CADM1: variants seen among roughly 807,000 people sequenced by gnomAD.
CADM1 encodes TSLC-1.
Under a neutral mutation model 53.1 loss-of-function variants are expected in CADM1, and 15 were observed. That is an observed-to-expected ratio of 0.28 (90% CI 0.19 to 0.44). The LOEUF is 0.44. CADM1 is among the 20% of genes least tolerant of loss of function. CADM1 has a pLI of 1.00. For synonymous variants in CADM1, 281 were observed against 243.0 expected (o/e 1.16, Z -1.45); for missense variants, 434 against 611.3 (o/e 0.71, Z 3.06).
intron 1 of CADM1, among the ~76,000 whole-genome samples, chr11:115,263,861 G>C (rs1943048515): frequency 6.6e-6 from 1 of 152,204 alleles, no homozygotes; most frequent in Admixed American, 6.5e-5. Context: ...AAAAGATAGA[G>C]GAATAGTAGT....
At chr11:115,211,740 C>G (rs1029883075) in intron 7 of CADM1, among the ~76,000 whole-genome samples, 2 of 151,796 alleles carry the variant, frequency 1.3e-5, no homozygotes, top group Admixed American at 1.3e-4. Context: ...CCACCCACCT[C>G]GGCCTCCCAA....
chr11:115,483,253 C>G (rs1427015095), intron 1 of CADM1, among the ~76,000 whole-genome samples: 1 of 152,140 alleles, frequency 6.6e-6, no homozygotes, highest in Non-Finnish European at 1.5e-5. Context: ...ATGGCCAGAC[C>G]TCATGAAGCT....
rs115041639 is a variant in CADM1, at chr11:115,248,149, C to T, written c.125-7729G>A. 3.9e-3 allele frequency among the ~76,000 whole-genome samples: 589 copies of T among 152,302 alleles called. 4 individuals carry two copies. Among genetic ancestry groups the T allele is most frequent in the African/African-American group, 0.013 (538 of 41,560 alleles). On this transcript the variant is annotated intron_variant, in intron 1 of 11. Transcript: ENST00000331581. ...TGTGTATTGGTTTTTGACATTAAGG[C>T]TGAAGAACGGAGGTCAAGCACAGTC...
chr11:115,328,897 C>T (rs1418076699), intron 1 of CADM1, among the ~76,000 whole-genome samples: 16 of 148,340 alleles, frequency 1.1e-4, no homozygotes, highest in Non-Finnish European at 1.5e-4. Context: ...TCTCTGTAGC[C>T]GGATGAGATT....
chr11:115,386,714 G>GC (rs11415402), intron 1 of CADM1, among the ~76,000 whole-genome samples: 152,282 of 152,304 alleles, frequency 1, 76,130 homozygotes, highest in Middle Eastern at 1. Context: ...TGAGGGCAGA[G>GC]CCTCATGACC....
chr11:115,368,879 C>A (rs750342864), intron 1 of CADM1, among the ~76,000 whole-genome samples: 1 of 151,764 alleles, frequency 6.6e-6, no homozygotes, highest in African/African-American at 2.4e-5. Flanking sequence ...GTGTCTTGTA[C>A]TACTAAGGAA....
At chr11:115,503,301 C>G (rs1949772926) in intron 1 of CADM1, among the ~76,000 whole-genome samples, 1 of 152,218 alleles carries the variant, frequency 6.6e-6, no homozygotes, top group African/African-American at 2.4e-5. Flanking sequence ...GCCGAGTGCT[C>G]GGTGTCTTCA....
chr11:115,330,740 C>T (rs1945109483), intron 1 of CADM1, among the ~76,000 whole-genome samples: 1 of 152,046 alleles, frequency 6.6e-6, no homozygotes, highest in African/African-American at 2.4e-5. Flanking sequence ...TTGCAGATGC[C>T]CTTGTGTTCA....
At chr11:115,279,369 C>T (rs1420197556) in intron 1 of CADM1, among the ~76,000 whole-genome samples, 2 of 152,150 alleles carry the variant, frequency 1.3e-5, no homozygotes, top group Admixed American at 1.3e-4. Flanking sequence ...TTCACAAAGA[C>T]CATGTAAGAG....
intron 2 of CADM1, among the ~76,000 whole-genome samples, chr11:115,239,918 G>A (rs1942160193): frequency 6.6e-6 from 1 of 152,050 alleles, no homozygotes; most frequent in African/African-American, 2.4e-5. Flanking sequence ...TTATTGCCTT[G>A]GAAACTTCAA....
At chr11:115,372,704 C>G (rs1489707950) in intron 1 of CADM1, among the ~76,000 whole-genome samples, 1 of 152,142 alleles carries the variant, frequency 6.6e-6, no homozygotes, top group Non-Finnish European at 1.5e-5. Flanking sequence ...ATTATCAATA[C>G]AAATCAATTA....
At chr11:115,389,402 C>T (rs1240582846) in intron 1 of CADM1, among the ~76,000 whole-genome samples, 1 of 152,156 alleles carries the variant, frequency 6.6e-6, no homozygotes, top group Non-Finnish European at 1.5e-5. Context: ...CTGGAAATAT[C>T]ACCTCAATGT....
At chr11:115,432,723 G>A (rs562372360) in intron 1 of CADM1, among the ~76,000 whole-genome samples, 87 of 152,216 alleles carry the variant, frequency 5.7e-4, no homozygotes, top group Non-Finnish European at 1.0e-3. Context: ...GATAGCCTAC[G>A]GGTATTACAC....
intron 1 of CADM1, among the ~76,000 whole-genome samples, chr11:115,304,731 G>A (rs570770585): frequency 1.3e-4 from 20 of 151,972 alleles, no homozygotes; most frequent in African/African-American, 2.2e-4. Flanking sequence ...TGTTACATAC[G>A]CTTATAAATA....
At chr11:115,341,842 G>A (rs911005820) in intron 1 of CADM1, among the ~76,000 whole-genome samples, 1 of 152,156 alleles carries the variant, frequency 6.6e-6, no homozygotes, top group Non-Finnish European at 1.5e-5. Flanking sequence ...AACACATGCT[G>A]AAATAACTGT....
chr11:115,343,197 GT>G (rs1001142971), intron 1 of CADM1, among the ~76,000 whole-genome samples: 8 of 152,092 alleles, frequency 5.3e-5, no homozygotes, highest in African/African-American at 1.9e-4. Context: ...GAAAAATTAA[GT>G]TAATTGTCCA....
At chr11:115,232,652 A>G (rs1565313744) in intron 3 of CADM1, among the ~76,000 whole-genome samples, 2 of 152,200 alleles carry the variant, frequency 1.3e-5, no homozygotes, top group African/African-American at 4.8e-5. Context: ...TGATAGTGAT[A>G]GTGATGGTGA....
intron 1 of CADM1, among the ~76,000 whole-genome samples, chr11:115,441,664 C>A (rs1038952339): frequency 6.6e-6 from 1 of 152,120 alleles, no homozygotes; most frequent in African/African-American, 2.4e-5. Flanking sequence ...ATGCTACAGG[C>A]TAATATCCAG....
chr11:115,240,483 A>G, intron 1 of CADM1, 63 bp from the exon 2 acceptor site: 1 of 1,565,674 alleles, frequency 6.4e-7, no homozygotes, highest in East Asian at 2.2e-5. Context: ...GATCAGTGGG[A>G]TCTATTAAAG....
Sources: gnomAD v4.1 joint callset for allele counts (sites outside exome capture counted in the v4.1 genomes callset) on GRCh38, gnomAD v4.1.1 for gene constraint, MANE v1.5 for transcripts, NCBI Gene and HGNC (gene_info 2026-07-23, HGNC 2026-07-21) for gene names.